EIF3I: variants seen among roughly 807,000 people sequenced by gnomAD.
The protein encoded by EIF3I is TGF-beta receptor-interacting protein 1.
Under a neutral mutation model 43.3 loss-of-function variants are expected in EIF3I, and 20 were observed. The ratio of observed to expected loss-of-function variants is 0.46; its 90% CI spans 0.32 to 0.67. EIF3I has a LOEUF of 0.67. EIF3I is among the 30% of genes least tolerant of loss of function. The pLI, the probability that EIF3I is intolerant of heterozygous loss-of-function variation, is 0.03. For synonymous variants in EIF3I, 167 were observed against 151.7 expected, an observed-to-expected ratio of 1.10 and a Z score of -0.74; for missense variants, 279 against 421.4, an observed-to-expected ratio of 0.66 and a Z score of 2.96.
chr1:32,230,643 C>T (rs1335789064), intron 10 of EIF3I, among the ~76,000 whole-genome samples: 1 of 152,044 alleles, frequency 6.6e-6, no homozygotes, highest in Non-Finnish European at 1.5e-5. Context: ...CGTAACCAGC[C>T]TGGCCAACAT....
At chr1:32,225,804 C>T (rs1400305052) in intron 4 of EIF3I, among the ~76,000 whole-genome samples, 7 of 151,606 alleles carry the variant, frequency 4.6e-5, no homozygotes, top group Non-Finnish European at 8.8e-5. Flanking sequence ...GGGCGGATCA[C>T]GGGTCAGGAG....
At chr1:32,228,419 C>T (rs1028335282) in intron 6 of EIF3I, 80 bp from the exon 7 acceptor site, 6 of 1,196,204 alleles carry the variant, frequency 5.0e-6, no homozygotes, top group Non-Finnish European at 7.5e-6. Flanking sequence ...TCTCAGCTTT[C>T]ATTTGGGTGC....
chr1:32,233,444 G>A (rs1241443495), downstream of EIF3I, among the ~76,000 whole-genome samples: 2 of 152,106 alleles, frequency 1.3e-5, no homozygotes, highest in South Asian at 4.2e-4. Flanking sequence ...GTGAGCCACC[G>A]TGCCAGGCCT....
At chr1:32,224,746 C>T (rs1327268591) in intron 4 of EIF3I, among the ~76,000 whole-genome samples, 1 of 151,106 alleles carries the variant, frequency 6.6e-6, no homozygotes, top group Non-Finnish European at 1.5e-5. Flanking sequence ...TCTCGGCTCA[C>T]TGCAACCTCT....
At chr1:32,232,783 T>G (rs1639257414), downstream of EIF3I, among the ~76,000 whole-genome samples, 1 of 151,834 alleles carries the variant, frequency 6.6e-6, no homozygotes, top group Non-Finnish European at 1.5e-5. Context: ...TAAATAGAGA[T>G]GATCCAGGAC....
intron 3 of EIF3I, 58 bp downstream of exon 3, chr1:32,224,179 T>G: frequency 6.3e-7 from 1 of 1,577,110 alleles, no homozygotes. Flanking sequence ...ATGGAGAGGC[T>G]GAGTTGGGAG....
At chr1:32,229,830 C>T (rs985528383) in intron 9 of EIF3I, among the ~76,000 whole-genome samples, 4 of 152,132 alleles carry the variant, frequency 2.6e-5, no homozygotes, top group Non-Finnish European at 5.9e-5. Flanking sequence ...GGATTACAGG[C>T]ATGAGCCACT....
At chr1:32,234,855 G>C (rs184556509), downstream of EIF3I, 2 of 152,542 alleles carry the variant, frequency 1.3e-5, no homozygotes, top group East Asian at 3.9e-4. Flanking sequence ...AATGGACCCA[G>C]TTCTAGGCTA....
downstream of EIF3I, chr1:32,234,363 G>A (rs1441293922): frequency 4.6e-5 from 7 of 150,832 alleles, no homozygotes; most frequent in African/African-American, 1.5e-4. Context: ...ACCCTTTCCT[G>A]TGCCTGCCCC....
In EIF3I at chr1:32,228,506, A is replaced by G. The variant is rs1221256542; in HGVS notation, c.536A>G (p.Glu179Gly). The change falls in exon 7 of 12, where the codon GAG becomes GGG. Residue 179 changes from glutamate to glycine, a missense_variant. Physicochemically the swap from Glu to Gly is moderately conservative, Grantham distance 98. This residue lies in a region of EIF3I where 156 missense variants were observed against 178.8 expected (regional missense o/e 0.87). Transcript: ENST00000676679. Reference sequence around the variant, plus strand: ...CTCTTCTTCCTTCCCTAGTCTGGAGAGGTGTTGGTGAATGTTAAGGAGCAC... The same window carrying G: ...CTCTTCTTCCTTCCCTAGTCTGGAGGGGTGTTGGTGAATGTTAAGGAGCAC... The G allele has an allele frequency of 3.1e-6, 5 of 1,613,682 alleles. No individual in the cohort carries two copies. The South Asian group carries it at 5.5e-5, about 18-fold the overall frequency.
chr1:32,224,114 C>T lies in EIF3I; in HGVS notation c.177C>T (p.Asp59=), dbSNP rs150020993. The T allele has an allele frequency of 2.4e-5, 39 of 1,613,968 alleles. No individual in the cohort carries two copies. In the African/African-American group the frequency reaches 3.6e-4, roughly 15 times the overall value. ...ATACCGGAGCTGTGTGGTGTGTGGA[C>T]GCTGACTGTATCCTTATTTTGGGTC... Residue 59 remains aspartate, a synonymous_variant, in exon 3 of 12, where the codon GAC becomes GAT. Coordinates refer to ENST00000676679, the Ensembl canonical transcript of EIF3I.
intron 6 of EIF3I, among the ~76,000 whole-genome samples, chr1:32,228,082 AGCAAAG>A (rs1173679388): frequency 1.3e-5 from 2 of 152,260 alleles, no homozygotes; most frequent in African/African-American, 4.8e-5. Context: ...CAAAAGGAAC[AGCAAAG>A]GCAAAGGCAC....
intron 6 of EIF3I, 126 bp from the exon 7 acceptor site, chr1:32,228,373 G>A: frequency 1.4e-6 from 1 of 720,038 alleles, no homozygotes; most frequent in Non-Finnish European, 2.5e-6. Flanking sequence ...TGACTGATAG[G>A]ATAGAGGGGG....
At chr1:32,224,147 G>C (rs368560671) in intron 3 of EIF3I, 26 bp downstream of exon 3, 1 of 1,610,592 alleles carries the variant, frequency 6.2e-7, no homozygotes, top group East Asian at 2.2e-5. Context: ...GTCTGAGTCC[G>C]TGTTGCTAGG....
intron 9 of EIF3I, 100 bp downstream of exon 9, chr1:32,229,308 T>A (rs1440362015): frequency 2.4e-6 from 3 of 1,246,964 alleles, no homozygotes; most frequent in African/African-American, 3.0e-5. Context: ...TCGCCTAGGC[T>A]GGAGCGCAGT....
At chr1:32,222,604 C>G in exon 2 of EIF3I, 1 of 1,614,078 alleles carries the variant, frequency 6.2e-7, no homozygotes, top group Non-Finnish European at 8.5e-7. Flanking sequence ...CGAAGGAGAC[C>G]TCCTCTTTAC....
At chr1:32,235,479 C>T (rs980467566), downstream of EIF3I, among the ~76,000 whole-genome samples, 2 of 152,096 alleles carry the variant, frequency 1.3e-5, no homozygotes, top group African/African-American at 2.4e-5. Context: ...TACAGGCGAC[C>T]GCCACCACAC....
downstream of EIF3I, among the ~76,000 whole-genome samples, chr1:32,233,836 A>G (rs1170500634): frequency 6.6e-6 from 1 of 152,146 alleles, no homozygotes; most frequent in Non-Finnish European, 1.5e-5. Context: ...TTCACTTGCA[A>G]TTGGCTATGG....
At chr1:32,226,027 G>GAAA in intron 4 of EIF3I, 144 bp from the exon 5 acceptor site, 10 of 922,712 alleles carry the variant, frequency 1.1e-5, no homozygotes, top group South Asian at 6.7e-5. Context: ...TCTCAAAAAA[G>GAAA]AAAAAAAAAA....
Sources: allele counts gnomAD v4.1 joint callset (sites outside exome capture counted in the v4.1 genomes callset), GRCh38; gene constraint gnomAD v4.1.1; regional missense constraint gnomAD v4.1.1; transcripts MANE v1.5; gene names NCBI Gene and HGNC (gene_info 2026-07-23, HGNC 2026-07-21).